Variants in PAPSS2 observed in about 807,000 individuals in gnomAD.
PAPSS2 encodes bifunctional 3'-phosphoadenosine 5'-phosphosulfate synthase 2.
In PAPSS2, 61 loss-of-function variants were observed where a neutral mutation model predicts 66.5. The ratio of observed to expected loss-of-function variants is 0.92; its 90% CI spans 0.75 to 1.14. The LOEUF (loss-of-function observed/expected upper bound fraction) is 1.14. Ranked by LOEUF, PAPSS2 falls within the 50% of genes most tolerant of loss-of-function variation. The pLI is 0.00. For synonymous variants in PAPSS2, 289 were observed against 287.5 expected (o/e 1.01, Z -0.05); for missense variants, 708 against 789.6 (o/e 0.90, Z 1.24).
At chr10:87,727,907 G>A (rs944516860) in intron 9 of PAPSS2, among the ~76,000 whole-genome samples, 1 of 152,162 alleles carries the variant, frequency 6.6e-6, no homozygotes, top group Non-Finnish European at 1.5e-5. Context: ...CCAAATGCTG[G>A]AACAAGAACT....
At chr10:87,661,304 A>G (rs1416075307) in intron 1 of PAPSS2, among the ~76,000 whole-genome samples, 1 of 152,034 alleles carries the variant, frequency 6.6e-6, no homozygotes, top group Admixed American at 6.6e-5. Context: ...GGTGGCATCA[A>G]TTTGGGAAGG....
At chr10:87,721,622 A>T (rs921610045) in intron 7 of PAPSS2, 134 bp from the exon 8 acceptor site, 3 of 630,406 alleles carry the variant, frequency 4.8e-6, no homozygotes, top group Non-Finnish European at 8.4e-6. Flanking sequence ...TAAAAATAGC[A>T]TGACAAAGCT....
chr10:87,689,785 A>C (rs941836058), intron 1 of PAPSS2, among the ~76,000 whole-genome samples: 1 of 152,054 alleles, frequency 6.6e-6, no homozygotes, highest in Non-Finnish European at 1.5e-5. Context: ...AAGAGTATGA[A>C]TGAGAGTCCA....
chr10:87,735,361 G>T (rs1853784062), intron 9 of PAPSS2, among the ~76,000 whole-genome samples: 1 of 152,162 alleles, frequency 6.6e-6, no homozygotes, highest in South Asian at 2.1e-4. Context: ...TTTTAGGCTG[G>T]ATGGTGGATG....
intron 9 of PAPSS2, among the ~76,000 whole-genome samples, chr10:87,729,630 A>G (rs1236277256): frequency 1.3e-5 from 2 of 152,186 alleles, no homozygotes; most frequent in Non-Finnish European, 2.9e-5. Flanking sequence ...CTAAGTGTTC[A>G]GGTGAAAGGA....
chr10:87,702,456 G>T (rs1201157180), intron 1 of PAPSS2, among the ~76,000 whole-genome samples: 1 of 152,146 alleles, frequency 6.6e-6, no homozygotes, highest in African/African-American at 2.4e-5. Flanking sequence ...TCCTACCATG[G>T]GCCTGATAGG....
chr10:87,669,865 C>G (rs1215438788), intron 1 of PAPSS2, among the ~76,000 whole-genome samples: 1 of 152,164 alleles, frequency 6.6e-6, no homozygotes, highest in Non-Finnish European at 1.5e-5. Context: ...ATGTTTATTT[C>G]ATAGAGGCAA....
chr10:87,707,350 C>T (rs911901580), intron 1 of PAPSS2, among the ~76,000 whole-genome samples: 1 of 152,128 alleles, frequency 6.6e-6, no homozygotes, highest in Non-Finnish European at 1.5e-5. Flanking sequence ...TTCCTGGTCC[C>T]GAATCCAGCA....
At chr10:87,660,554 C>G in intron 1 of PAPSS2, 1 of 187,154 alleles carries the variant, frequency 5.3e-6, no homozygotes, top group Non-Finnish European at 1.1e-5. Flanking sequence ...TTGATTTCGG[C>G]ATTGGGTGGC....
chr10:87,715,787 G>T lies in PAPSS2; in HGVS notation c.809G>T (p.Gly270Val). 1 of 1,613,862 alleles carries T rather than the reference G, an allele frequency of 6.2e-7. No homozygotes were observed. Among genetic ancestry groups the T allele is most frequent in the Non-Finnish European group, 8.5e-7 (1 of 1,179,790 alleles). Residue 270 changes from glycine to valine, a missense_variant, in exon 7 of 13, where the codon GGT (glycine) becomes GTT (valine). Coordinates refer to ENST00000456849, the MANE Select transcript of PAPSS2 (RefSeq NM_001015880.2). ...GAAGGCTGGGCCACTCCCCTCAAAG[G>T]TTTCATGCGGGAGAAGGAGTACTTA... The part of the protein sequence containing the change: ...LSEGWATPLK[G>V]FMREKEYLQV...
At chr10:87,662,092 C>T (rs1852759494) in intron 1 of PAPSS2, among the ~76,000 whole-genome samples, 1 of 152,208 alleles carries the variant, frequency 6.6e-6, no homozygotes, top group Admixed American at 6.5e-5. Context: ...ACCTCACAAG[C>T]TAGCCTAGGA....
chr10:87,666,124 C>A (rs11202497), intron 1 of PAPSS2, among the ~76,000 whole-genome samples: 19,838 of 151,840 alleles, frequency 0.13, 1,479 homozygotes, highest in South Asian at 0.28. Flanking sequence ...CCACCACACC[C>A]GGCTAATTTT....
chr10:87,675,776 T>C (rs1852936068), intron 1 of PAPSS2, among the ~76,000 whole-genome samples: 1 of 152,144 alleles, frequency 6.6e-6, no homozygotes, highest in Non-Finnish European at 1.5e-5. Context: ...TGAATATGAT[T>C]GAATGGATCT....
intron 1 of PAPSS2, among the ~76,000 whole-genome samples, chr10:87,679,783 C>T (rs1166526743): frequency 6.6e-6 from 1 of 152,010 alleles, no homozygotes; most frequent in Non-Finnish European, 1.5e-5. Flanking sequence ...CCCGGCACTT[C>T]AGGAGGCTGA....
chr10:87,712,941 C>A, intron 2 of PAPSS2, 134 bp from the exon 3 acceptor site: 1 of 659,712 alleles, frequency 1.5e-6, no homozygotes, highest in Non-Finnish European at 2.7e-6. Flanking sequence ...GCCTTGTAGT[C>A]AACTACACTG....
rs570046366 is a variant in PAPSS2, at chr10:87,745,825, G to T, written c.1722-7G>T. 24 of 1,613,972 alleles carry T rather than the reference G, an allele frequency of 1.5e-5. No homozygotes were observed. The East Asian group carries it at 4.7e-4, about 31-fold the overall frequency. On this transcript the variant is annotated splice_polypyrimidine_tract_variant and splice_region_variant and intron_variant, in intron 12 of 12. Transcript: ENST00000456849. ...ACACTGAGTTCTTTGTTGCCACCCT[G>T]TAACAGGCACAATGAGTTTGACTTC...
At chr10:87,707,658 C>A (rs1263047339) in intron 1 of PAPSS2, among the ~76,000 whole-genome samples, 4 of 150,310 alleles carry the variant, frequency 2.7e-5, no homozygotes, top group African/African-American at 9.8e-5. Context: ...CAGCCTTGGC[C>A]TCCTGGGTTC....
chr10:87,689,951 G>T (rs1239943823), intron 1 of PAPSS2, among the ~76,000 whole-genome samples: 1 of 152,182 alleles, frequency 6.6e-6, no homozygotes, highest in Non-Finnish European at 1.5e-5. Flanking sequence ...GATATACTCT[G>T]TGGCAATGCT....
At chr10:87,703,846 T>C (rs1202360487) in intron 1 of PAPSS2, 5 of 517,570 alleles carry the variant, frequency 9.7e-6, no homozygotes, top group African/African-American at 9.6e-5. Flanking sequence ...CACTTCCTGA[T>C]AAGGGGCAGA....
Sources: allele counts gnomAD v4.1 joint callset (sites outside exome capture counted in the v4.1 genomes callset), GRCh38; gene constraint gnomAD v4.1.1; transcripts MANE v1.5; gene names NCBI Gene and HGNC (gene_info 2026-07-23, HGNC 2026-07-21).